RTN4: variants seen among roughly 807,000 people sequenced by gnomAD.
RTN4 encodes the protein reticulon-4.
Under a neutral mutation model 90.4 loss-of-function variants are expected in RTN4, and 32 were observed. The observed-to-expected ratio is 0.35, with a 90% CI of 0.27 to 0.48. The LOEUF (loss-of-function observed/expected upper bound fraction) is 0.48. Ranked by LOEUF, RTN4 falls within the 20% of genes least tolerant of loss-of-function variation. The pLI is 0.99. For missense variants in RTN4, 1,706 were observed against 1,430.2 expected (o/e 1.19, Z -3.11); for synonymous variants, 629 against 552.5 (o/e 1.14, Z -1.94).
Position 55,049,812 on chromosome 2 carries a change from G to A in RTN4, c.489C>T (p.Ala163=), listed in dbSNP as rs1667997267. 7.6e-7 allele frequency: 1 copy of A among 1,313,302 alleles called. No homozygotes were observed. The highest frequency in any genetic ancestry group is 1.5e-5 in the African/African-American group (1 of 64,788). 81.4% of individuals were successfully genotyped at this position (1,313,302 alleles called of 1,614,324 possible). ...TGGAGGGGGGCGCGGCGGGAGCCGGGGCTGGCGGGGTCCACACGGGCTCTG... is the reference window on the plus strand; with the variant it reads ...TGGAGGGGGGCGCGGCGGGAGCCGGAGCTGGCGGGGTCCACACGGGCTCTG... ...PQAEPVWTPP[A]PAPAAPPSTP... Residue 163 remains alanine, a synonymous_variant, in exon 1 of 9, where the codon GCC becomes GCT. Coordinates refer to ENST00000337526, the MANE Select transcript of RTN4 (RefSeq NM_020532.5).
the RTN4 span, among the ~76,000 whole-genome samples, chr2:55,124,724 A>G: frequency 1.3e-5 from 2 of 152,356 alleles, no homozygotes; most frequent in East Asian, 3.9e-4. Context: ...TTTAAAATTT[A>G]TATGGAACAA....
At chr2:55,128,820 G>C in the RTN4 span, among the ~76,000 whole-genome samples, 2 of 151,824 alleles carry the variant, frequency 1.3e-5, no homozygotes, top group Non-Finnish European at 2.9e-5. Context: ...AGGGGTGGGA[G>C]AGAGGGCTGG....
chr2:55,010,149 A>T (rs751949201), intron 3 of RTN4: 4 of 1,612,876 alleles, frequency 2.5e-6, no homozygotes, highest in East Asian at 4.5e-5. Context: ...TTGCAGCTCC[A>T]ATTATTAATT....
At chr2:55,009,040 T>A (rs1680441423) in intron 3 of RTN4, among the ~76,000 whole-genome samples, 1 of 107,364 alleles carries the variant, frequency 9.3e-6, no homozygotes, top group African/African-American at 2.8e-5. Flanking sequence ...AATGTCTCAA[T>A]ATGGTCTCAA....
At chr2:55,030,364 G>C (rs1361703161) in intron 1 of RTN4, among the ~76,000 whole-genome samples, 3 of 151,934 alleles carry the variant, frequency 2.0e-5, no homozygotes, top group Non-Finnish European at 4.4e-5. Flanking sequence ...AATGGGATTC[G>C]ATCCAGTTAC....
chr2:54,991,760 C>T (rs111332936), intron 3 of RTN4, among the ~76,000 whole-genome samples: 1 of 152,118 alleles, frequency 6.6e-6, no homozygotes, highest in African/African-American at 2.4e-5. Flanking sequence ...TATTTTTATT[C>T]ATACCAGTCT....
intron 5 of RTN4, among the ~76,000 whole-genome samples, 163 bp downstream of exon 5, chr2:54,982,352 A>T (rs527472527): frequency 3.3e-5 from 5 of 152,288 alleles, no homozygotes; most frequent in Non-Finnish European, 7.4e-5. Flanking sequence ...GCACTTCTTC[A>T]TCCTTATTTG....
chr2:55,070,840 G>A (rs893108883), intron 2 of RTN4, among the ~76,000 whole-genome samples: 4 of 151,474 alleles, frequency 2.6e-5, no homozygotes, highest in Admixed American at 1.3e-4. Flanking sequence ...ACAGTGGTGC[G>A]ATCTCGGCTC....
intron 1 of RTN4, among the ~76,000 whole-genome samples, chr2:55,028,776 A>T (rs936551694): frequency 2.3e-5 from 3 of 127,936 alleles, no homozygotes; most frequent in Non-Finnish European, 5.0e-5. Context: ...CAAATGCCAG[A>T]GTCCAAAATA....
chr2:55,009,490 T>G (rs1462117800), intron 3 of RTN4, among the ~76,000 whole-genome samples: 1 of 152,310 alleles, frequency 6.6e-6, no homozygotes, highest in East Asian at 1.9e-4. Flanking sequence ...GATTGGTTAT[T>G]ACAAGGACAA....
chr2:55,117,608 G>C (rs7574696), upstream of RTN4, among the ~76,000 whole-genome samples: 50,307 of 152,108 alleles, frequency 0.33, 9,740 homozygotes, highest in African/African-American at 0.54. Context: ...GGCAGCTCTG[G>C]AAAGGGCAAC....
Position 55,026,517 on chromosome 2 carries a change from C to A in RTN4, c.1582G>T (p.Asp528Tyr), listed in dbSNP as rs180697740. 4 of 1,613,946 alleles carry A rather than the reference C, an allele frequency of 2.5e-6. No individual in the cohort carries two copies. The Admixed American group carries it at 6.7e-5, about 27-fold the overall frequency. Residue 528 changes from aspartate (D) to tyrosine (Y), a missense_variant, in exon 3 of 9, where the codon GAT (aspartate) becomes TAT (tyrosine). Physicochemically the swap from Asp to Tyr is radical, Grantham distance 160 (BLOSUM62 -3). Coordinates refer to ENST00000337526, the MANE Select transcript of RTN4 (RefSeq NM_020532.5). ...FLVAAQDSET[D>Y]YVTTDNLTKV... ...GTTAAATTATCTGTTGTGACATAAT[C>A]TGTCTCAGAATCCTGTGCTGCTACA...
At chr2:55,033,453 G>A (rs1682468412) in intron 1 of RTN4, among the ~76,000 whole-genome samples, 1 of 152,186 alleles carries the variant, frequency 6.6e-6, no homozygotes, top group South Asian at 2.1e-4. Context: ...GCAATGAGCA[G>A]AGCAGGCAAA....
At chr2:55,126,721 C>A in the RTN4 span, among the ~76,000 whole-genome samples, 1 of 152,158 alleles carries the variant, frequency 6.6e-6, no homozygotes, top group Non-Finnish European at 1.5e-5. Flanking sequence ...AAGAAACATG[C>A]ATGTGAATGT....
intron 3 of RTN4, among the ~76,000 whole-genome samples, chr2:54,998,563 T>G (rs1347742963): frequency 6.6e-6 from 1 of 152,192 alleles, no homozygotes; most frequent in Non-Finnish European, 1.5e-5. Flanking sequence ...AATAATGCTT[T>G]CAGGTAATTT....
rs530848912 is a variant in RTN4 at position 55,101,732 on chromosome 2, T to C, written c.-214+10788A>G. 8.5e-5 allele frequency among the ~76,000 whole-genome samples: 13 copies of C among 152,250 alleles called. No homozygotes were observed. The East Asian group carries it at 2.1e-3, about 25-fold the overall frequency. ...TGATGGTATGAACCAGCCCTGTGGA[T>C]ATCCTGGAGCATAGGAATTATTAAT... On this transcript the variant is annotated intron_variant, in intron 1 of 3. Coordinates refer to the RTN4 transcript ENST00000427710.
chr2:55,052,141 A>C (rs925657366), upstream of RTN4, among the ~76,000 whole-genome samples: 6 of 152,238 alleles, frequency 3.9e-5, no homozygotes, highest in African/African-American at 1.4e-4. Context: ...GTGGATACAT[A>C]ACATTATGCA....
At chr2:55,074,393 C>T (rs376248948) in intron 2 of RTN4, among the ~76,000 whole-genome samples, 1 of 151,418 alleles carries the variant, frequency 6.6e-6, no homozygotes, top group Non-Finnish European at 1.5e-5. Context: ...GTCCTAGCTA[C>T]TTAGGAAACT....
chr2:55,020,047 G>A (rs892903072), intron 3 of RTN4, among the ~76,000 whole-genome samples: 9 of 152,090 alleles, frequency 5.9e-5, no homozygotes, highest in Non-Finnish European at 8.8e-5. Flanking sequence ...AGAAATTGAA[G>A]AGGATACAAA....
Sources: allele counts gnomAD v4.1 joint callset (sites outside exome capture counted in the v4.1 genomes callset), GRCh38; gene constraint gnomAD v4.1.1; transcripts MANE v1.5; gene names NCBI Gene and HGNC (gene_info 2026-07-23, HGNC 2026-07-21).